POP4: variants seen among roughly 807,000 people sequenced by gnomAD.
The protein encoded by POP4 is POP4 ribonuclease P/MRP subunit.
A neutral mutation model predicts 29.9 loss-of-function variants in POP4; 31 were observed. The ratio of observed to expected loss-of-function variants is 1.04; its 90% CI spans 0.78 to 1.40. The LOEUF (loss-of-function observed/expected upper bound fraction) is 1.40. POP4 is among the 40% of genes most tolerant of loss of function. The pLI, the probability that POP4 is intolerant of heterozygous loss-of-function variation, is 0.00. For synonymous variants in POP4, 110 were observed against 108.2 expected (o/e 1.02, Z -0.10); for missense variants, 286 against 282.7 (o/e 1.01, Z -0.08).
Position 29,617,053 on chromosome 19 carries a change from TGCTTTCCC to T in POP4, c.*1677_*1684del, listed in dbSNP as rs1971140170. ...TGCAGGATGTGCTGCCTTTATTACC[TGCTTTCCC>T]GCTGAGCAAATCCCTGTCTTGAGTG... On this transcript the variant is annotated 3_prime_UTR_variant, in exon 7 of 7. Coordinates refer to ENST00000585603, the MANE Select transcript of POP4 (RefSeq NM_006627.3). 1 of 152,264 alleles carries T rather than the reference TGCTTTCCC, an allele frequency of 6.6e-6. No individual in the cohort carries two copies. The highest frequency in any genetic ancestry group is 6.5e-5 in the Admixed American group (1 of 15,280). The allele number at this position is 152,264 out of a possible 1,614,324, so 9.4% of individuals were successfully genotyped here. A position where few individuals can be genotyped will look rare whatever the true frequency, so the allele number is the denominator to read the frequency against.
rs147720850 is a variant in POP4 at position 29,607,423 on chromosome 19, G to A, written c.7+1098G>A. ...TGATTGTGCCACTGCACTCCAGCCA[G>A]GGCAACAGAGCAAAACCCAGTATCA... On this transcript the variant is annotated intron_variant, in intron 1 of 6. Transcript: ENST00000585603. 3.5e-3 allele frequency among the ~76,000 whole-genome samples: 525 copies of A among 151,512 alleles called. 3 individuals carry two copies. Among genetic ancestry groups the A allele is most frequent in the African/African-American group, 0.012 (477 of 41,218 alleles).
At chr19:29,614,033 C>CT (rs950826330) in intron 6 of POP4, 61 bp downstream of exon 6, 11 of 1,564,586 alleles carry the variant, frequency 7.0e-6, no homozygotes, top group Non-Finnish European at 7.8e-6. Flanking sequence ...CTGCGTTAGC[C>CT]TTTTCCTCAA....
At position 29,613,699 on chromosome 19, in the gene POP4, T is replaced by A. The variant is rs1415941702; in HGVS notation, c.425-172T>A. 16 of 993,656 alleles carry A rather than the reference T, an allele frequency of 1.6e-5. No individual in the cohort carries two copies. The South Asian group carries it at 3.0e-4, about 18-fold the overall frequency. 61.6% of individuals were successfully genotyped at this position (993,656 alleles called of 1,614,324 possible). A position where few individuals can be genotyped will look rare whatever the true frequency, so the allele number is the denominator to read the frequency against. On this transcript the variant is annotated intron_variant, in intron 5 of 6. Transcript: ENST00000585603. Reference sequence around the variant, plus strand: ...AAAGCCCCAGGGGAAGCCTGGATTCTTGTTGGTTACATCAGGGCCCAGCTG... The same window carrying A: ...AAAGCCCCAGGGGAAGCCTGGATTCATGTTGGTTACATCAGGGCCCAGCTG...
chr19:29,610,643 C>T lies in POP4; in HGVS notation c.284+11C>T. On this transcript the variant is annotated intron_variant, in intron 3 of 6. Coordinates refer to ENST00000585603, the MANE Select transcript of POP4 (RefSeq NM_006627.3). ...ACCAGAGCAGCAGAGGTAACCCGAGCTCCCCACGTCTTTCTGCCCGCGGTG... is the reference window on the plus strand; with the variant it reads ...ACCAGAGCAGCAGAGGTAACCCGAGTTCCCCACGTCTTTCTGCCCGCGGTG... The T allele has an allele frequency of 1.2e-6, 2 of 1,611,060 alleles. No individual in the cohort carries two copies. Among genetic ancestry groups the T allele is most frequent in the Non-Finnish European group, 1.7e-6 (2 of 1,178,806 alleles).
intron 3 of POP4, chr19:29,611,561 A>T: frequency 3.3e-6 from 1 of 298,672 alleles, no homozygotes; most frequent in Non-Finnish European, 6.3e-6. Flanking sequence ...TTCACGTAAC[A>T]GAAAACCTCA....
intron 2 of POP4, among the ~76,000 whole-genome samples, chr19:29,609,914 A>G (rs914537176): frequency 2.0e-5 from 3 of 152,168 alleles, no homozygotes; most frequent in Admixed American, 6.5e-5. Flanking sequence ...GCACAGTGTC[A>G]GGGTCCCTGC....
intron 6 of POP4, 21 bp downstream of exon 6, chr19:29,613,993 G>A: frequency 6.2e-7 from 1 of 1,601,342 alleles, no homozygotes; most frequent in Non-Finnish European, 8.5e-7. Context: ...GTTTCTGAGG[G>A]CATTGCTTGC....
At chr19:29,607,459 A>G (rs1971012130) in intron 1 of POP4, among the ~76,000 whole-genome samples, 1 of 46,436 alleles carries the variant, frequency 2.2e-5, no homozygotes, top group East Asian at 5.4e-4. Context: ...AAACAAACAA[A>G]CAAACAACAA....
intron 1 of POP4, among the ~76,000 whole-genome samples, chr19:29,607,172 G>A (rs1052425828): frequency 6.6e-6 from 1 of 151,934 alleles, no homozygotes; most frequent in Non-Finnish European, 1.5e-5. Context: ...GGTGGGACAC[G>A]CCTGTGGTCC....
At position 29,610,545 on chromosome 19, in the gene POP4, G is replaced by A. The variant is rs552871765; in HGVS notation, c.197G>A (p.Arg66His). Residue 66 changes from arginine (R) to histidine (H), a missense_variant, in exon 3 of 7, where the codon CGC becomes CAC. Transcript: ENST00000585603. The stretch of plus-strand genomic sequence containing the variant: ...CTGGAGTACTTCACCCGCCACAAGC[G>A]CAAGGAGAAGAAGAAGAAAGCCAAA... ...VVLEYFTRHK[R>H]KEKKKKAKGL... 8.7e-6 allele frequency: 14 copies of A among 1,614,176 alleles called. No homozygotes were observed. Among genetic ancestry groups the A allele is most frequent in the South Asian group, 5.5e-5 (5 of 91,080 alleles).
rs1239387935 is a variant in POP4 at position 29,617,023 on chromosome 19, C to T, written c.*1643C>T. On this transcript the variant is annotated 3_prime_UTR_variant, in exon 7 of 7. Coordinates refer to ENST00000585603, the MANE Select transcript of POP4 (RefSeq NM_006627.3). ...GCTGCAGGATGAGACGGATGCAGTT[C>T]AAAGTGCAGGATGTGCTGCCTTTAT... 1 of 152,210 alleles carries T rather than the reference C, an allele frequency of 6.6e-6. No homozygotes were observed. The highest frequency in any genetic ancestry group is 1.5e-5 in the Non-Finnish European group (1 of 68,044). 9.4% of individuals were successfully genotyped at this position (152,210 alleles called of 1,614,324 possible). A position where few individuals can be genotyped will look rare whatever the true frequency, so the allele number is the denominator to read the frequency against.
In POP4 at chr19:29,611,935, G is replaced by A. The variant is rs1283237729; in HGVS notation, c.358G>A (p.Asp120Asn). ...IRDLCSGLKP[D>N]TQPQMIQAKL... ...GGACCTGTGCAGTGGGCTCAAGCCA[G>A]ACACGTAAGTTGCATTCCTGAAGCT... The change falls in exon 4 of 7, where the codon GAC becomes AAC. Residue 120 changes from aspartate (D) to asparagine (N), a missense_variant. By Grantham distance (23) the Asp-to-Asn change is conservative. Coordinates refer to ENST00000585603, the MANE Select transcript of POP4 (RefSeq NM_006627.3). The A allele has an allele frequency of 1.2e-6, 2 of 1,613,806 alleles. No individual in the cohort carries two copies. The highest frequency in any genetic ancestry group is 2.7e-5 in the African/African-American group (2 of 74,934).
At chr19:29,608,195 T>C (rs1277592672) in intron 1 of POP4, among the ~76,000 whole-genome samples, 1 of 152,088 alleles carries the variant, frequency 6.6e-6, no homozygotes, top group Non-Finnish European at 1.5e-5. Context: ...CATCTTCTCC[T>C]ATCTCTGAAT....
chr19:29,606,452 C>T lies in POP4; in HGVS notation c.7+127C>T, dbSNP rs767008935. The T allele has an allele frequency of 3.6e-6, 4 of 1,101,662 alleles. No homozygotes were observed. In the Admixed American group the frequency reaches 1.0e-4, roughly 29 times the overall value. 68.2% of individuals were successfully genotyped at this position (1,101,662 alleles called of 1,614,324 possible). ...CTAACAGAACCGCTACAGGAATGGG[C>T]CCACCCTACCTAAGAAAAACTGAGG... On this transcript the variant is annotated intron_variant, in intron 1 of 6. Transcript: ENST00000585603.
Position 29,616,902 on chromosome 19 carries a change from C to G in POP4, c.*1522C>G, listed in dbSNP as rs574400624. On this transcript the variant is annotated 3_prime_UTR_variant, in exon 7 of 7. Transcript: ENST00000585603. The stretch of plus-strand genomic sequence containing the variant: ...TCCTCATCTGCCACAGGAAGACAGA[C>G]TTCGAGGGACCTCTTGCCTAAGGCC... 2 of 152,048 alleles carry G rather than the reference C, an allele frequency of 1.3e-5. No individual in the cohort carries two copies. The highest frequency in any genetic ancestry group is 3.8e-4 in the East Asian group (2 of 5,198). 9.4% of individuals were successfully genotyped at this position (152,048 alleles called of 1,614,324 possible).
intron 2 of POP4, 22 bp from the exon 3 acceptor site, chr19:29,610,387 G>T (rs1001844033): frequency 6.5e-7 from 1 of 1,535,828 alleles, no homozygotes; most frequent in East Asian, 2.5e-5. Flanking sequence ...AGTGAGCGCC[G>T]CACCCCCTTG....
chr19:29,614,503 A>ATTT (rs753589513), intron 6 of POP4, among the ~76,000 whole-genome samples: 2 of 83,614 alleles, frequency 2.4e-5, no homozygotes, highest in Non-Finnish European at 2.2e-5. Flanking sequence ...TGTTCCTTTA[A>ATTT]TTTTTCTTTT....
In POP4 at chr19:29,613,946, T is replaced by TTGTGG; in HGVS notation, c.501_502insGTGGT (p.Ile168ValfsTer9). On this transcript the variant is annotated frameshift_variant, in exon 6 of 7. Coordinates refer to ENST00000585603, the MANE Select transcript of POP4 (RefSeq NM_006627.3). LOFTEE classifies it high-confidence loss of function. ...CAGGAAACAAAGCACATTTTCAAAA[T>TTGTGG]TATCACCAAAGAAGACCGCCTGAAA... The TTGTGG allele has an allele frequency of 6.2e-7, 1 of 1,613,826 alleles. No individual in the cohort carries two copies. Among genetic ancestry groups the TTGTGG allele is most frequent in the Non-Finnish European group, 8.5e-7 (1 of 1,179,914 alleles).
At chr19:29,606,843 T>G (rs999500379) in intron 1 of POP4, among the ~76,000 whole-genome samples, 2 of 151,216 alleles carry the variant, frequency 1.3e-5, no homozygotes, top group Non-Finnish European at 2.9e-5. Context: ...ACCTATATGA[T>G]CAAGTAGATT....
Sources: gnomAD v4.1 joint callset for allele counts (sites outside exome capture counted in the v4.1 genomes callset) on GRCh38, gnomAD v4.1.1 for gene constraint, MANE v1.5 for transcripts, NCBI Gene and HGNC (gene_info 2026-07-23, HGNC 2026-07-21) for gene names.